Variants in CFAP97 observed in about 807,000 individuals in gnomAD.
The protein encoded by CFAP97 is cilia and flagella associated protein 97, also known as cilia- and flagella-associated protein 97.
CFAP97 carries 36 observed loss-of-function variants against 43.1 expected under a neutral mutation model. The observed-to-expected ratio is 0.84, with a 90% CI of 0.64 to 1.10. The LOEUF is 1.10. Among genes scored for constraint, CFAP97 ranks in the 50% least tolerant of loss-of-function variants. The pLI is 0.00. For synonymous variants in CFAP97, 228 were observed against 225.7 expected (o/e 1.01, Z -0.09); for missense variants, 657 against 620.3 (o/e 1.06, Z -0.63).
At chr4:185,173,307 G>A (rs1462567082) in intron 3 of CFAP97, among the ~76,000 whole-genome samples, 3 of 149,684 alleles carry the variant, frequency 2.0e-5, no homozygotes, top group African/African-American at 7.4e-5. Context: ...AGGTTACAGT[G>A]AGCCGAGATC....
chr4:185,172,855 A>C (rs560339600), intron 3 of CFAP97, among the ~76,000 whole-genome samples: 2 of 151,260 alleles, frequency 1.3e-5, no homozygotes, highest in East Asian at 3.9e-4. Flanking sequence ...CTCTACAAAA[A>C]AAAAAAAAAA....
upstream of CFAP97, chr4:185,209,640 A>G: frequency 4.4e-6 from 3 of 679,100 alleles, no homozygotes; most frequent in Non-Finnish European, 5.5e-6. The surrounding 1 kb of genome is among the most constrained non-coding windows in gnomAD (Gnocchi z 5.2). Context: ...CCGGCCCGGC[A>G]GCTACGGGCC....
chr4:185,169,691 T>C (rs1735217885), intron 3 of CFAP97: 1 of 985,450 alleles, frequency 1.0e-6, no homozygotes, highest in Non-Finnish European at 1.2e-6. Context: ...TCTGCAGCCG[T>C]TAGCAGAGGA....
At chr4:185,182,006 C>G (rs150889279) in intron 2 of CFAP97, among the ~76,000 whole-genome samples, 4 of 152,286 alleles carry the variant, frequency 2.6e-5, no homozygotes, top group Non-Finnish European at 5.9e-5. Context: ...AATGCTTCTT[C>G]AATCCCATTT....
At chr4:185,191,324 A>G (rs1736247308) in intron 1 of CFAP97, 112 bp from the exon 2 acceptor site, 1 of 743,944 alleles carries the variant, frequency 1.3e-6, no homozygotes, top group Non-Finnish European at 2.0e-6. Flanking sequence ...ATATATAAAA[A>G]GAAACATTAT....
In CFAP97 at chr4:185,190,488, T is replaced by C; in HGVS notation, c.709A>G (p.Thr237Ala). Residue 237 changes from threonine to alanine, a missense_variant, in exon 2 of 5, where the codon ACT (threonine) becomes GCT (alanine). Physicochemically the swap from Thr to Ala is moderately conservative, Grantham distance 58. Transcript: ENST00000458385. The stretch of plus-strand genomic sequence containing the variant: ...GGGTAGTGGCCACATTTTGGTGTAG[T>C]ACTTGAAGGCTGTGTTTCTGTCGAT... ...IKSTETQPSS[T>A]TPKCGHYPEE... The C allele has an allele frequency of 6.2e-7, 1 of 1,613,984 alleles. No individual in the cohort carries two copies. Among genetic ancestry groups the C allele is most frequent in the Non-Finnish European group, 8.5e-7 (1 of 1,179,892 alleles).
At chr4:185,173,988 G>GT (rs1251663452) in intron 3 of CFAP97, among the ~76,000 whole-genome samples, 1 of 151,934 alleles carries the variant, frequency 6.6e-6, no homozygotes, top group East Asian at 1.9e-4. Flanking sequence ...AATAAAGCTG[G>GT]TTAAAAAAAA....
At chr4:185,182,902 C>A (rs1420136354) in intron 2 of CFAP97, among the ~76,000 whole-genome samples, 1 of 152,092 alleles carries the variant, frequency 6.6e-6, no homozygotes, top group Admixed American at 6.6e-5. Flanking sequence ...GAGTTCACGA[C>A]CAGCCTGGCC....
At chr4:185,175,366 A>G (rs1735473465) in intron 3 of CFAP97, among the ~76,000 whole-genome samples, 1 of 151,982 alleles carries the variant, frequency 6.6e-6, no homozygotes, top group Admixed American at 6.6e-5. Context: ...TCCCGGGTTC[A>G]GATGCTCCTC....
chr4:185,210,160 G>C, upstream of CFAP97: 1 of 984,326 alleles, frequency 1.0e-6, no homozygotes, highest in Non-Finnish European at 1.2e-6. This position sits in a 1 kb window ranked among gnomAD's most constrained non-coding sequence, Gnocchi z 4.4. Flanking sequence ...GATCCTGTTT[G>C]CCCTCGTCTG....
chr4:185,185,631 ACC>A (rs1435896909), intron 2 of CFAP97, among the ~76,000 whole-genome samples: 27 of 126,148 alleles, frequency 2.1e-4, no homozygotes, highest in African/African-American at 7.7e-4. Context: ...AAATTTGCCA[ACC>A]TTTTTTTTTT....
Position 185,209,488 on chromosome 4 carries a change from G to A in CFAP97, c.-237C>T. 1 of 153,664 alleles carries A rather than the reference G, an allele frequency of 6.5e-6. No homozygotes were observed. The highest frequency in any genetic ancestry group is 1.4e-5 in the Non-Finnish European group (1 of 69,336). 9.5% of individuals were successfully genotyped at this position (153,664 alleles called of 1,614,324 possible). A position where few individuals can be genotyped will look rare whatever the true frequency, so the allele number is the denominator to read the frequency against. ...CCGGCCCGGACCCCGCCCCCGCGCT[G>A]TGGGTGGGCGCCTCCCGGCTGTCAC... On this transcript the variant is annotated 5_prime_UTR_variant, in exon 1 of 3. Coordinates refer to the CFAP97 transcript ENST00000503223. The surrounding 1 kb of genome is among the most constrained non-coding windows in gnomAD (Gnocchi z 5.2).
upstream of CFAP97, among the ~76,000 whole-genome samples, chr4:185,205,014 A>G (rs1416266798): frequency 1.3e-5 from 2 of 152,264 alleles, no homozygotes; most frequent in African/African-American, 4.8e-5. Flanking sequence ...TTCACATCTA[A>G]GTGCAAAGAA....
At chr4:185,163,698 C>T (rs1734958407) in intron 4 of CFAP97, among the ~76,000 whole-genome samples, 1 of 152,044 alleles carries the variant, frequency 6.6e-6, no homozygotes, top group Non-Finnish European at 1.5e-5. Context: ...TCTTAACTAC[C>T]TAAGGAGAAT....
chr4:185,201,678 T>A (rs761844197), intron 1 of CFAP97, among the ~76,000 whole-genome samples: 1 of 152,236 alleles, frequency 6.6e-6, no homozygotes, highest in Non-Finnish European at 1.5e-5. Context: ...TAAACATAAC[T>A]TTTATATGCA....
intron 4 of CFAP97, 83 bp downstream of exon 4, chr4:185,163,946 C>A: frequency 7.7e-7 from 1 of 1,296,676 alleles, no homozygotes; most frequent in Non-Finnish European, 1.1e-6. Flanking sequence ...GCATTTAAAA[C>A]TCTATCATAA....
chr4:185,169,381 C>T (rs536273603), intron 3 of CFAP97: 65 of 160,128 alleles, frequency 4.1e-4, no homozygotes, highest in South Asian at 3.2e-3. Flanking sequence ...GCAGTTTCCC[C>T]TGTGTTCTCT....
chr4:185,195,040 C>G (rs995961145), intron 1 of CFAP97, among the ~76,000 whole-genome samples: 1 of 152,172 alleles, frequency 6.6e-6, no homozygotes, highest in African/African-American at 2.4e-5. Flanking sequence ...CACGACAGCA[C>G]AGCATCTACT....
Position 185,175,701 on chromosome 4 carries a change from G to A in CFAP97, c.1320+85C>T, listed in dbSNP as rs2111342936. 10 of 1,232,658 alleles carry A rather than the reference G, an allele frequency of 8.1e-6. 1 individual carries two copies. The South Asian group carries it at 1.1e-4, about 14-fold the overall frequency. 76.4% of individuals were successfully genotyped at this position (1,232,658 alleles called of 1,614,324 possible). On this transcript the variant is annotated intron_variant, in intron 3 of 4. Transcript: ENST00000458385. ...TTTATGTAATGAAGTTTGAATATTTGGCTGTATTTAGGTTTCCTGTAAGCT... is the reference window on the plus strand; with the variant it reads ...TTTATGTAATGAAGTTTGAATATTTAGCTGTATTTAGGTTTCCTGTAAGCT...
Sources: allele counts gnomAD v4.1 joint callset (sites outside exome capture counted in the v4.1 genomes callset), GRCh38; gene constraint gnomAD v4.1.1; non-coding constraint Gnocchi (gnomAD v3.1); transcripts MANE v1.5; gene names NCBI Gene and HGNC (gene_info 2026-07-23, HGNC 2026-07-21).